CCN4: variants seen among roughly 807,000 people sequenced by gnomAD.
The protein encoded by CCN4 is CCN family member 4.
Under a neutral mutation model 36.7 loss-of-function variants are expected in CCN4, and 30 were observed. The observed-to-expected ratio is 0.82, with a 90% confidence interval of 0.61 to 1.11. The LOEUF (loss-of-function observed/expected upper bound fraction) is 1.11, where lower values mean the gene tolerates loss of function less well. Ranked by LOEUF, CCN4 falls within the 50% of genes least tolerant of loss-of-function variation. CCN4 has a pLI of 0.00. For synonymous variants in CCN4, 191 were observed against 195.4 expected (o/e 0.98, Z 0.19); for missense variants, 505 against 504.9 (o/e 1.00, Z 0.00).
In CCN4 at chr8:133,230,436, C is replaced by T. The variant is rs1588210851; in HGVS notation, c.*2726C>T. ...TGTTACAGCAATTTTGAGTATGCAT[C>T]TTTCACTATTTTATAAGTGGAAAAG... On this transcript the variant is annotated 3_prime_UTR_variant, in exon 5 of 5. Coordinates refer to ENST00000250160, the MANE Select transcript of CCN4 (RefSeq NM_003882.4). The T allele has an allele frequency of 6.6e-6, 1 of 152,214 alleles. No individual in the cohort carries two copies. The highest frequency in any genetic ancestry group is 1.5e-5 in the Non-Finnish European group (1 of 68,044). The allele number at this position is 152,214 out of a possible 1,614,324, so 9.4% of individuals were successfully genotyped here.
At position 133,228,158 on chromosome 8, in the gene CCN4, G is replaced by A; in HGVS notation, c.*448G>A. On this transcript the variant is annotated 3_prime_UTR_variant, in exon 5 of 5. Transcript: ENST00000250160. ...TCTATTATTTGGAGCCTGCCAAGAG[G>A]TACTGTAATGGGTAATTCTGACGTC... 1 of 159,006 alleles carries A rather than the reference G, an allele frequency of 6.3e-6. No individual in the cohort carries two copies. Among genetic ancestry groups the A allele is most frequent in the Admixed American group, 6.1e-5 (1 of 16,292 alleles). The allele number at this position is 159,006 out of a possible 1,614,324, so 9.8% of individuals were successfully genotyped here.
chr8:133,227,563 C>CGT lies in CCN4; in HGVS notation c.960_961dup (p.Ser321CysfsTer25). The CGT allele has an allele frequency of 6.2e-7, 1 of 1,614,210 alleles. No individual in the cohort carries two copies. The highest frequency in any genetic ancestry group is 2.2e-5 in the East Asian group (1 of 44,872). ...TCCCCTACAAGTCTAAGACTATCGA[C>CGT]GTGTCCTTCCAGTGTCCTGATGGGC... On this transcript the variant is annotated frameshift_variant, in exon 5 of 5. Transcript: ENST00000250160. LOFTEE classifies it high-confidence loss of function.
chr8:133,209,606 C>A (rs1430679103), intron 1 of CCN4, among the ~76,000 whole-genome samples: 1 of 152,228 alleles, frequency 6.6e-6, no homozygotes, highest in Non-Finnish European at 1.5e-5. Context: ...AGGAAGCTTC[C>A]TTCTGGGCAT....
At chr8:133,210,176 C>G (rs1164209603) in intron 1 of CCN4, among the ~76,000 whole-genome samples, 1 of 152,122 alleles carries the variant, frequency 6.6e-6, no homozygotes, top group Non-Finnish European at 1.5e-5. Flanking sequence ...ATGCAAGGCC[C>G]GGGCCCTGCC....
At chr8:133,199,540 C>T (rs1383007203) in intron 1 of CCN4, among the ~76,000 whole-genome samples, 12 of 152,136 alleles carry the variant, frequency 7.9e-5, no homozygotes, top group Non-Finnish European at 1.2e-4. Context: ...CATAATTAGA[C>T]AGGGAATATC....
intron 1 of CCN4, among the ~76,000 whole-genome samples, chr8:133,200,075 G>T (rs1853531948): frequency 6.6e-6 from 1 of 152,198 alleles, no homozygotes. Flanking sequence ...GGCCAGTTCT[G>T]TTTCTCCCTA....
In CCN4 at chr8:133,231,379, C is replaced by A. The variant is rs963631320; in HGVS notation, c.*3669C>A. ...ATTTAATATTTAAATATTCCTACTG[C>A]CATTTTTGTGACTGAAAAACTACAC... On this transcript the variant is annotated 3_prime_UTR_variant, in exon 5 of 5. Transcript: ENST00000250160. 6.6e-6 allele frequency: 1 copy of A among 152,088 alleles called. No individual in the cohort carries two copies. The highest frequency in any genetic ancestry group is 1.5e-5 in the Non-Finnish European group (1 of 68,016). The allele number at this position is 152,088 out of a possible 1,614,324, so 9.4% of individuals were successfully genotyped here.
At chr8:133,201,167 C>T (rs62514011) in intron 1 of CCN4, among the ~76,000 whole-genome samples, 12,340 of 152,252 alleles carry the variant, frequency 0.081, 636 homozygotes, top group South Asian at 0.17. Context: ...CAAACCTCAA[C>T]GTTGCCATTT....
At chr8:133,199,186 G>T (rs1853496056) in intron 1 of CCN4, among the ~76,000 whole-genome samples, 1 of 152,252 alleles carries the variant, frequency 6.6e-6, no homozygotes, top group Non-Finnish European at 1.5e-5. Context: ...TCTGGAGCAA[G>T]GACAGAACGA....
intron 2 of CCN4, among the ~76,000 whole-genome samples, chr8:133,215,782 A>G (rs1406161616): frequency 6.6e-6 from 1 of 152,202 alleles, no homozygotes; most frequent in Admixed American, 6.5e-5. Context: ...TACGCCTACC[A>G]GTGGTTCCCT....
chr8:133,227,432 G>T lies in CCN4; in HGVS notation c.826G>T (p.Val276Leu). Residue 276 changes from valine to leucine, a missense_variant, in exon 5 of 5, where the codon GTG becomes TTG. Transcript: ENST00000250160. ...LIKAGKKCLA[V>L]YQPEASMNFT... is the part of the protein sequence containing the mutation. ...TCAGGCAGGGAAGAAGTGTCTGGCT[G>T]TGTACCAGCCAGAGGCATCCATGAA... is the stretch of plus-strand genomic sequence containing the variant. The T allele has an allele frequency of 6.2e-7, 1 of 1,613,578 alleles. No individual in the cohort carries two copies. Among genetic ancestry groups the T allele is most frequent in the Non-Finnish European group, 8.5e-7 (1 of 1,179,708 alleles).
Position 133,225,579 on chromosome 8 carries a change from T to C in CCN4, c.800T>C (p.Ile267Thr), listed in dbSNP as rs1854703098. 1 of 1,600,240 alleles carries C rather than the reference T, an allele frequency of 6.2e-7. No homozygotes were observed. Among genetic ancestry groups the C allele is most frequent in the Non-Finnish European group, 8.5e-7 (1 of 1,170,422 alleles). The stretch of plus-strand genomic sequence containing the variant: ...TGCGATGTGGACATCCATACACTCA[T>C]TAAGGTGGGTCCAGAGCAGGTGTGG... ...RPCDVDIHTL[I>T]KAGKKCLAVY... The change falls in exon 4 of 5, where the codon ATT becomes ACT. Residue 267 changes from isoleucine to threonine, a missense_variant. Ile to Thr is a moderately conservative substitution (Grantham distance 89). Coordinates refer to ENST00000250160, the MANE Select transcript of CCN4 (RefSeq NM_003882.4).
At chr8:133,194,907 CTGAG>C (rs528495630) in intron 1 of CCN4, among the ~76,000 whole-genome samples, 28 of 95,766 alleles carry the variant, frequency 2.9e-4, no homozygotes, top group Admixed American at 1.0e-3. Context: ...GGTGTGTGTA[CTGAG>C]TGTGTATATG....
chr8:133,225,702 T>C (rs1282442411), intron 4 of CCN4, 119 bp downstream of exon 4: 2 of 1,006,596 alleles, frequency 2.0e-6, no homozygotes, highest in Non-Finnish European at 2.7e-6. Context: ...TAAGCTCACC[T>C]GGTAGGTCTG....
Position 133,228,919 on chromosome 8 carries a change from T to C in CCN4, c.*1209T>C, listed in dbSNP as rs1012780542. The C allele has an allele frequency of 2.0e-5, 3 of 152,276 alleles. No homozygotes were observed. The highest frequency in any genetic ancestry group is 4.4e-5 in the Non-Finnish European group (3 of 68,012). 9.4% of individuals were successfully genotyped at this position (152,276 alleles called of 1,614,324 possible). A position where few individuals can be genotyped will look rare whatever the true frequency, so the allele number is the denominator to read the frequency against. ...GGTTGTTTAGAAACAGAAATAGACTTAATAAAGGTTTAAAGCTGAAGAGGT... is the reference window on the plus strand; with the variant it reads ...GGTTGTTTAGAAACAGAAATAGACTCAATAAAGGTTTAAAGCTGAAGAGGT... On this transcript the variant is annotated 3_prime_UTR_variant, in exon 5 of 5. Coordinates refer to ENST00000250160, the MANE Select transcript of CCN4 (RefSeq NM_003882.4).
chr8:133,227,559 T>C lies in CCN4; in HGVS notation c.953T>C (p.Ile318Thr). ...TGCATCCCCTACAAGTCTAAGACTA[T>C]CGACGTGTCCTTCCAGTGTCCTGAT... ...RCCIPYKSKT[I>T]DVSFQCPDGL... Residue 318 changes from isoleucine (I) to threonine (T), a missense_variant, in exon 5 of 5, where the codon ATC (isoleucine) becomes ACC (threonine). By Grantham distance (89) the Ile-to-Thr change is moderately conservative. Coordinates refer to ENST00000250160, the MANE Select transcript of CCN4 (RefSeq NM_003882.4). 6 of 1,614,244 alleles carry C rather than the reference T, an allele frequency of 3.7e-6. No homozygotes were observed. The highest frequency in any genetic ancestry group is 5.1e-6 in the Non-Finnish European group (6 of 1,180,052).
chr8:133,197,965 A>C (rs1343882137), intron 1 of CCN4, among the ~76,000 whole-genome samples: 1 of 152,218 alleles, frequency 6.6e-6, no homozygotes, highest in Non-Finnish European at 1.5e-5. Context: ...CCCTGCCCTC[A>C]GAGCAGAACA....
At chr8:133,196,228 C>T (rs984536292) in intron 1 of CCN4, among the ~76,000 whole-genome samples, 2 of 152,192 alleles carry the variant, frequency 1.3e-5, no homozygotes, top group African/African-American at 4.8e-5. Context: ...GTAATCTAGA[C>T]CAGCCAGTCA....
chr8:133,219,437 G>A (rs372763887), intron 2 of CCN4, among the ~76,000 whole-genome samples: 12 of 152,248 alleles, frequency 7.9e-5, no homozygotes, highest in African/African-American at 2.9e-4. Flanking sequence ...TCATCACCCA[G>A]TGAGGCCTTC....
Sources: allele counts gnomAD v4.1 joint callset (sites outside exome capture counted in the v4.1 genomes callset), GRCh38; gene constraint gnomAD v4.1.1; transcripts MANE v1.5; gene names NCBI Gene and HGNC (gene_info 2026-07-23, HGNC 2026-07-21).